Variants in MGMT observed in about 807,000 individuals in gnomAD.
MGMT encodes O-6-methylguanine-DNA methyltransferase, also known as methylated-DNA--protein-cysteine methyltransferase.
Under a neutral mutation model 15.9 loss-of-function variants are expected in MGMT, and 14 were observed. The observed-to-expected ratio is 0.88, with a 90% confidence interval of 0.58 to 1.37. The LOEUF is 1.37. Ranked by LOEUF, MGMT falls within the 40% of genes most tolerant of loss-of-function variation. The pLI is 0.00. For missense variants in MGMT, 282 were observed against 268.1 expected, an observed-to-expected ratio of 1.05 and a Z score of -0.36; for synonymous variants, 130 against 118.2, an observed-to-expected ratio of 1.10 and a Z score of -0.65.
chr10:129,752,830 A>T (rs998034178), intron 3 of MGMT, among the ~76,000 whole-genome samples: 1 of 152,156 alleles, frequency 6.6e-6, no homozygotes, highest in East Asian at 1.9e-4. Context: ...GCTAATAAAC[A>T]TATCTTGAAA....
chr10:129,701,818 A>T (rs1253534238), intron 2 of MGMT: 1 of 152,010 alleles, frequency 6.6e-6, no homozygotes, highest in Non-Finnish European at 1.5e-5. Context: ...AATTTCTCTC[A>T]TCACCCCCAG....
At chr10:129,565,258 T>C (rs1418965908) in intron 2 of MGMT, among the ~76,000 whole-genome samples, 4 of 150,272 alleles carry the variant, frequency 2.7e-5, no homozygotes, top group African/African-American at 9.8e-5. Flanking sequence ...TAAAGAATTA[T>C]AGGTACCTTG....
intron 3 of MGMT, among the ~76,000 whole-genome samples, chr10:129,743,393 G>A (rs1296337099): frequency 6.6e-6 from 1 of 152,214 alleles, no homozygotes; most frequent in Non-Finnish European, 1.5e-5. Context: ...GATGTCCTCT[G>A]TGGCCCTCCG....
At chr10:129,699,859 G>A (rs1324617489) in intron 2 of MGMT, among the ~76,000 whole-genome samples, 1 of 152,042 alleles carries the variant, frequency 6.6e-6, no homozygotes, top group Non-Finnish European at 1.5e-5. Flanking sequence ...TGTACAGAAT[G>A]CATCTTTAAA....
intron 2 of MGMT, chr10:129,693,952 A>T (rs1350790574): frequency 6.6e-6 from 1 of 151,554 alleles, no homozygotes; most frequent in Non-Finnish European, 1.5e-5. Flanking sequence ...CAGTTTCCAC[A>T]GTTCCCATGG....
At chr10:129,710,911 CA>C (rs1197117647) in intron 3 of MGMT, among the ~76,000 whole-genome samples, 1 of 152,174 alleles carries the variant, frequency 6.6e-6, no homozygotes, top group African/African-American at 2.4e-5. Flanking sequence ...CATACTTTTG[CA>C]TATCATTTTT....
chr10:129,679,622 G>A (rs1231964398), intron 2 of MGMT, among the ~76,000 whole-genome samples: 1 of 152,144 alleles, frequency 6.6e-6, no homozygotes, highest in Non-Finnish European at 1.5e-5. Context: ...GTGCTGTGGG[G>A]TATTTTTATG....
chr10:129,518,253 CTTAA>C (rs1157874348), intron 1 of MGMT, among the ~76,000 whole-genome samples: 1 of 151,674 alleles, frequency 6.6e-6, no homozygotes, highest in East Asian at 1.9e-4. Context: ...GGTTTACTTC[CTTAA>C]TTCACGAAAT....
intron 1 of MGMT, among the ~76,000 whole-genome samples, chr10:129,534,517 T>C (rs1156271309): frequency 6.6e-6 from 1 of 152,052 alleles, no homozygotes; most frequent in East Asian, 1.9e-4. Context: ...AAAACACTTG[T>C]GTAGTTTGCG....
chr10:129,595,549 G>C (rs745575938), intron 2 of MGMT, among the ~76,000 whole-genome samples: 1 of 152,120 alleles, frequency 6.6e-6, no homozygotes, highest in Non-Finnish European at 1.5e-5. Context: ...CTTCGGGGGG[G>C]TCTGACACTA....
intron 2 of MGMT, among the ~76,000 whole-genome samples, chr10:129,703,237 T>C (rs917629873): frequency 1.3e-5 from 2 of 152,158 alleles, no homozygotes; most frequent in African/African-American, 4.8e-5. Context: ...AAAAATCAAT[T>C]TAAGATGAAT....
chr10:129,571,869 C>T (rs951435314), intron 2 of MGMT, among the ~76,000 whole-genome samples: 2 of 152,176 alleles, frequency 1.3e-5, no homozygotes, highest in Non-Finnish European at 2.9e-5. Flanking sequence ...CATCAGAATA[C>T]AATATAAATT....
intron 1 of MGMT, among the ~76,000 whole-genome samples, chr10:129,488,061 A>G (rs1255703706): frequency 6.6e-6 from 1 of 151,546 alleles, no homozygotes; most frequent in African/African-American, 2.4e-5. Flanking sequence ...CTATATGGTT[A>G]GTAGTGGGAA....
intron 3 of MGMT, among the ~76,000 whole-genome samples, chr10:129,737,419 A>C (rs1210056562): frequency 2.0e-5 from 3 of 151,992 alleles, no homozygotes; most frequent in Non-Finnish European, 2.9e-5. Flanking sequence ...TCCTTTAAGC[A>C]CTTCTCTGTA....
intron 3 of MGMT, among the ~76,000 whole-genome samples, chr10:129,749,652 C>G (rs1477488658): frequency 2.6e-5 from 4 of 152,242 alleles, no homozygotes; most frequent in Non-Finnish European, 5.9e-5. Context: ...TGTGCAATTG[C>G]CAGATCACAT....
chr10:129,596,095 GCCCTGCCCCT>G (rs1202673522), intron 2 of MGMT, among the ~76,000 whole-genome samples: 2 of 139,976 alleles, frequency 1.4e-5, no homozygotes, highest in East Asian at 2.3e-4. Flanking sequence ...CCCCTGCCCC[GCCCTGCCCCT>G]CCCTGCCCCA....
intron 2 of MGMT, among the ~76,000 whole-genome samples, chr10:129,546,457 G>A (rs540444517): frequency 6.6e-6 from 1 of 152,326 alleles, no homozygotes; most frequent in African/African-American, 2.4e-5. Context: ...GAGGCTGCGA[G>A]CCCCCTCTTG....
At chr10:129,756,575 T>G (rs1848809019) in intron 3 of MGMT, among the ~76,000 whole-genome samples, 1 of 152,232 alleles carries the variant, frequency 6.6e-6, no homozygotes, top group African/African-American at 2.4e-5. Flanking sequence ...GTTCAAGTGA[T>G]TCTTCTGCCT....
intron 3 of MGMT, among the ~76,000 whole-genome samples, chr10:129,747,627 C>G (rs1848709262): frequency 6.6e-6 from 1 of 152,198 alleles, no homozygotes; most frequent in African/African-American, 2.4e-5. Context: ...TGACATCTTA[C>G]ATTAGTACGG....
Sources: gnomAD v4.1 joint callset for allele counts (sites outside exome capture counted in the v4.1 genomes callset) on GRCh38, gnomAD v4.1.1 for gene constraint, MANE v1.5 for transcripts, NCBI Gene and HGNC (gene_info 2026-07-23, HGNC 2026-07-21) for gene names.